Variants in SHCBP1L observed in about 807,000 individuals in gnomAD.
SHCBP1L encodes the protein SHC binding and spindle associated 1 like.
A neutral mutation model predicts 62.5 loss-of-function variants in SHCBP1L; 67 were observed. The ratio of observed to expected loss-of-function variants is 1.07; its 90% CI spans 0.88 to 1.31. SHCBP1L has a LOEUF of 1.31. Ranked by LOEUF, SHCBP1L falls within the 40% of genes most tolerant of loss-of-function variation. The pLI is 0.00. For missense variants in SHCBP1L, 823 were observed against 809.8 expected (o/e 1.02, Z -0.20); for synonymous variants, 284 against 289.4 (o/e 0.98, Z 0.19).
Position 182,924,699 on chromosome 1 carries a change from A to AGGAAAGGAAAGGAAG in SHCBP1L, c.1182+4947_1182+4948insCTTCCTTTCCTTTCC, listed in dbSNP as rs1557996529. Among the ~76,000 whole-genome samples, 16 of 98,000 alleles carry AGGAAAGGAAAGGAAG rather than the reference A, an allele frequency of 1.6e-4. 1 individual carries two copies. Among genetic ancestry groups the AGGAAAGGAAAGGAAG allele is most frequent in the Admixed American group, 7.3e-4 (6 of 8,190 alleles). The allele number at this position is 98,000 out of a possible 152,430, so 64.3% of individuals were successfully genotyped here. A position where few individuals can be genotyped will look rare whatever the true frequency, so the allele number is the denominator to read the frequency against. On this transcript the variant is annotated intron_variant, in intron 6 of 9. Transcript: ENST00000367547. ...AAGAAAGGAAAGGAAAGGAAAGGAA[A>AGGAAAGGAAAGGAAG]GGAAGAAAGAAAGAAAGAAAGAAAG...
intron 6 of SHCBP1L, among the ~76,000 whole-genome samples, chr1:182,924,784 GAAAGAGA>G (rs1650653608): frequency 2.1e-5 from 2 of 96,434 alleles, no homozygotes; most frequent in Admixed American, 2.2e-4. Flanking sequence ...AAGAAAGAAA[GAAAGAGA>G]GAAAGAAAGG....
intron 6 of SHCBP1L, among the ~76,000 whole-genome samples, chr1:182,912,677 C>G (rs1345467340): frequency 6.6e-6 from 1 of 151,914 alleles, no homozygotes; most frequent in Non-Finnish European, 1.5e-5. Flanking sequence ...TGTGCACCAC[C>G]ACACCCAGCA....
At chr1:182,905,391 T>C (rs1010951129) in intron 7 of SHCBP1L, 105 bp downstream of exon 7, 1 of 1,189,782 alleles carries the variant, frequency 8.4e-7, no homozygotes, top group Non-Finnish European at 1.2e-6. Flanking sequence ...TTGTAAAACA[T>C]AAATTCTATT....
intron 6 of SHCBP1L, among the ~76,000 whole-genome samples, chr1:182,924,390 T>C (rs1571345623): frequency 6.6e-6 from 1 of 151,114 alleles, no homozygotes; most frequent in South Asian, 2.1e-4. Flanking sequence ...CTCTGCCTCC[T>C]GGGTTCATGC....
chr1:182,915,607 T>C (rs1388394246), intron 6 of SHCBP1L, among the ~76,000 whole-genome samples: 1 of 152,064 alleles, frequency 6.6e-6, no homozygotes, highest in Non-Finnish European at 1.5e-5. Context: ...ATATATACAC[T>C]GCCCCCCAAG....
intron 9 of SHCBP1L, among the ~76,000 whole-genome samples, chr1:182,900,709 G>A (rs925846439): frequency 6.6e-6 from 1 of 152,224 alleles, no homozygotes; most frequent in Non-Finnish European, 1.5e-5. Context: ...GGAATTACAC[G>A]CGTGAGCCAC....
At chr1:182,900,487 C>T (rs1649796847) in intron 9 of SHCBP1L, among the ~76,000 whole-genome samples, 1 of 152,092 alleles carries the variant, frequency 6.6e-6, no homozygotes, top group African/African-American at 2.4e-5. Flanking sequence ...GGCTGGAGTG[C>T]AATGACACAG....
intron 2 of SHCBP1L, chr1:182,942,254 A>C (rs888568866): frequency 7.4e-7 from 1 of 1,355,622 alleles, no homozygotes; most frequent in African/African-American, 1.4e-5. Context: ...TTTTGTTTGC[A>C]CTTTTTTGTC....
In SHCBP1L at chr1:182,952,849, T is replaced by C. The variant is rs1159564274; in HGVS notation, c.285A>G (p.Pro95=). ...GCGCCTCCTCTTCATCCTCAGGCAC[T>C]GGCAGCAGGGGCTCCTCCGCCGCCG... ...AAAAAEEPLL[P]VPEDEEEAQP... The change falls in exon 1 of 10, where the codon CCA becomes CCG. Residue 95 remains proline, a synonymous_variant. Coordinates refer to ENST00000367547, the MANE Select transcript of SHCBP1L (RefSeq NM_030933.4). 4.3e-6 allele frequency: 7 copies of C among 1,610,510 alleles called. No homozygotes were observed. The highest frequency in any genetic ancestry group is 5.9e-6 in the Non-Finnish European group (7 of 1,178,952).
chr1:182,927,702 C>T (rs1650821605), intron 6 of SHCBP1L, among the ~76,000 whole-genome samples: 1 of 150,302 alleles, frequency 6.7e-6, no homozygotes, highest in African/African-American at 2.5e-5. Flanking sequence ...CTTATATGCA[C>T]AGCTATACTA....
intron 6 of SHCBP1L, among the ~76,000 whole-genome samples, chr1:182,908,234 C>T (rs553675628): frequency 6.6e-6 from 1 of 152,016 alleles, no homozygotes; most frequent in South Asian, 2.1e-4. Flanking sequence ...AGCATAGTAC[C>T]CGATAGGTAG....
At chr1:182,952,229 T>TACAC (rs1558007630) in intron 1 of SHCBP1L, among the ~76,000 whole-genome samples, 1 of 60,554 alleles carries the variant, frequency 1.7e-5, no homozygotes, top group African/African-American at 9.1e-5. Flanking sequence ...TATATATATA[T>TACAC]ATATATACAC....
At chr1:182,917,338 A>G (rs1650385565) in intron 6 of SHCBP1L, among the ~76,000 whole-genome samples, 1 of 152,230 alleles carries the variant, frequency 6.6e-6, no homozygotes, top group Admixed American at 6.5e-5. Context: ...AACACACCAC[A>G]TTAATAGAAT....
In SHCBP1L at chr1:182,929,709, C is replaced by T; in HGVS notation, c.1120G>A (p.Gly374Arg). 2.5e-6 allele frequency: 4 copies of T among 1,593,266 alleles called. No individual in the cohort carries two copies. Among genetic ancestry groups the T allele is most frequent in the Non-Finnish European group, 3.4e-6 (4 of 1,174,702 alleles). Residue 374 changes from glycine (G) to arginine (R), a missense_variant, in exon 6 of 10, where the codon GGA becomes AGA. Coordinates refer to ENST00000367547, the MANE Select transcript of SHCBP1L (RefSeq NM_030933.4). ...FFPRILRRRK[G>R]KREFGKTITH... Reference sequence around the variant, plus strand: ...ATAGTCTTTCCAAATTCTCTTTTTCCTTTCCTACGCCTCAGAATTCTTGGA... The same window carrying T: ...ATAGTCTTTCCAAATTCTCTTTTTCTTTTCCTACGCCTCAGAATTCTTGGA...
intron 6 of SHCBP1L, among the ~76,000 whole-genome samples, chr1:182,906,744 C>G (rs1274704432): frequency 6.6e-6 from 1 of 152,080 alleles, no homozygotes; most frequent in Non-Finnish European, 1.5e-5. Context: ...TTATACTTAT[C>G]AAAGATTCTA....
intron 6 of SHCBP1L, among the ~76,000 whole-genome samples, chr1:182,927,151 G>A (rs1481558079): frequency 2.1e-5 from 3 of 140,972 alleles, no homozygotes; most frequent in Non-Finnish European, 4.5e-5. Flanking sequence ...CTGCAAGTAA[G>A]GAAATTGAGG....
chr1:182,945,218 C>T (rs191897027), intron 2 of SHCBP1L, among the ~76,000 whole-genome samples: 1 of 152,210 alleles, frequency 6.6e-6, no homozygotes, highest in Non-Finnish European at 1.5e-5. Flanking sequence ...TCCGTCTTGG[C>T]CTCCCAAAGT....
Position 182,903,038 on chromosome 1 carries a change from C to T in SHCBP1L, c.1710+1G>A, listed in dbSNP as rs375280566. 5.1e-6 allele frequency: 8 copies of T among 1,573,624 alleles called. No homozygotes were observed. The highest frequency in any genetic ancestry group is 6.0e-6 in the Non-Finnish European group (7 of 1,161,178). Reference sequence around the variant, plus strand: ...TGCTACATCAAGAAATAAGAGAATACCTTCATATTAACTCCACCTAAGGTG... The same window carrying T: ...TGCTACATCAAGAAATAAGAGAATATCTTCATATTAACTCCACCTAAGGTG... On this transcript the variant is annotated splice_donor_variant, in intron 9 of 9. Transcript: ENST00000367547. LOFTEE classifies it high-confidence loss of function.
intron 8 of SHCBP1L, among the ~76,000 whole-genome samples, chr1:182,903,738 T>C (rs1321035481): frequency 6.6e-6 from 1 of 152,142 alleles, no homozygotes; most frequent in East Asian, 1.9e-4. Context: ...CAAGTGATCC[T>C]CCCGTCTCAG....
Sources: allele counts gnomAD v4.1 joint callset (sites outside exome capture counted in the v4.1 genomes callset), GRCh38; gene constraint gnomAD v4.1.1; transcripts MANE v1.5; gene names NCBI Gene and HGNC (gene_info 2026-07-23, HGNC 2026-07-21).